CLIC2: variants seen among roughly 807,000 people sequenced by gnomAD.
CLIC2 encodes chloride intracellular channel protein 2.
In CLIC2, 9 loss-of-function variants were observed where a neutral mutation model predicts 14.8. That is an observed-to-expected ratio of 0.61 (90% CI 0.37 to 1.06). CLIC2 has a LOEUF of 1.06. Among genes scored for constraint, CLIC2 ranks in the 50% least tolerant of loss-of-function variants. CLIC2 has a pLI of 0.01. For missense variants in CLIC2, 148 were observed against 181.4 expected, an observed-to-expected ratio of 0.82 and a Z score of 1.06; for synonymous variants, 61 against 66.3, an observed-to-expected ratio of 0.92 and a Z score of 0.39.
chrX:155,321,217 C>T (rs1381558827), intron 1 of CLIC2, among the ~76,000 whole-genome samples: 1 of 111,004 alleles, frequency 9.0e-6, no homozygotes, highest in Non-Finnish European at 1.9e-5. Flanking sequence ...CAGAGAACAC[C>T]ACAAAGATAC....
At chrX:155,304,877 C>T (rs1250258826) in intron 1 of CLIC2, among the ~76,000 whole-genome samples, 4 of 95,971 alleles carry the variant, frequency 4.2e-5, no homozygotes, top group African/African-American at 1.5e-4. Flanking sequence ...GGGGTGCCTC[C>T]CAGTTAGGCT....
chrX:155,291,121 T>C, intron 3 of CLIC2: 1 of 1,002,671 alleles, frequency 1.0e-6, no homozygotes, highest in Non-Finnish European at 1.4e-6. Context: ...AACCATGCAA[T>C]GAATATCCAT....
At chrX:155,329,478 G>A (rs782406277) in intron 1 of CLIC2, among the ~76,000 whole-genome samples, 3 of 105,176 alleles carry the variant, frequency 2.9e-5, no homozygotes, top group African/African-American at 1.0e-4. Context: ...TGCAAAAACC[G>A]CAATTACTTT....
intron 3 of CLIC2, among the ~76,000 whole-genome samples, chrX:155,297,054 C>T (rs1424962847): frequency 8.9e-6 from 1 of 111,897 alleles, no homozygotes; most frequent in Non-Finnish European, 1.9e-5. Flanking sequence ...GGTATGGAAT[C>T]GATCTAAGTG....
intron 3 of CLIC2, among the ~76,000 whole-genome samples, chrX:155,283,170 C>G (rs1162991264): frequency 1.8e-5 from 2 of 112,512 alleles, no homozygotes; most frequent in African/African-American, 6.5e-5. Context: ...CAGGATAGAT[C>G]ATATGTTAGG....
intron 3 of CLIC2, 50 bp downstream of exon 3, chrX:155,298,735 C>T: frequency 8.4e-7 from 1 of 1,185,879 alleles, no homozygotes; most frequent in Non-Finnish European, 1.1e-6. Flanking sequence ...AATAAACAAG[C>T]CAGTAAAATA....
At chrX:155,322,029 C>T (rs782274897) in intron 1 of CLIC2, among the ~76,000 whole-genome samples, 2 of 111,501 alleles carry the variant, frequency 1.8e-5, no homozygotes, top group East Asian at 5.6e-4. Context: ...AATATATATG[C>T]ACCCAATACA....
chrX:155,302,448 C>T (rs369061034), intron 1 of CLIC2, among the ~76,000 whole-genome samples: 6 of 108,502 alleles, frequency 5.5e-5, no homozygotes, highest in South Asian at 4.0e-4. Flanking sequence ...TTTTTTATTG[C>T]GTCTATTTGA....
Position 155,311,413 on chromosome X carries a change from C to G in CLIC2, c.58-12268G>C, listed in dbSNP as rs1046122756. Among the ~76,000 whole-genome samples, 4 of 111,638 alleles carry G rather than the reference C, an allele frequency of 3.6e-5. No individual in the cohort carries two copies. The South Asian group carries it at 1.5e-3, about 42-fold the overall frequency. On this transcript the variant is annotated intron_variant, in intron 1 of 5. Coordinates refer to ENST00000369449, the MANE Select transcript of CLIC2 (RefSeq NM_001289.6). The stretch of plus-strand genomic sequence containing the variant: ...CTCTTTGCTAAAACATAACAAGTGT[C>G]ACCTTTGCTCCGGTTCCCAGCAAGT...
chrX:155,330,396 G>A (rs2075152887), intron 1 of CLIC2, among the ~76,000 whole-genome samples: 1 of 110,843 alleles, frequency 9.0e-6, no homozygotes, highest in Non-Finnish European at 1.9e-5. Context: ...ACTTTACAAA[G>A]GAAGATATAC....
At chrX:155,290,737 T>G (rs2074961487) in intron 3 of CLIC2, 1 of 676,857 alleles carries the variant, frequency 1.5e-6, no homozygotes, top group Admixed American at 2.2e-5. Context: ...TTTGTTGTGT[T>G]GGCCAAAATT....
intron 1 of CLIC2, among the ~76,000 whole-genome samples, chrX:155,332,275 C>T (rs1268313778): frequency 9.0e-6 from 1 of 111,582 alleles, no homozygotes; most frequent in Admixed American, 9.6e-5. Flanking sequence ...TTAAAAATTA[C>T]TCATTAGCAC....
In CLIC2 at chrX:155,277,768, TAC is replaced by T. The variant is rs1320114193; in HGVS notation, c.*133_*134del. On this transcript the variant is annotated 3_prime_UTR_variant, in exon 6 of 6. Transcript: ENST00000369449. The stretch of plus-strand genomic sequence containing the variant: ...CAGATTATTTATGGCTAATAGAAAA[TAC>T]AGAGTTCCTTTTCATAAGAGAGTTG... 1.9e-5 allele frequency: 10 copies of T among 538,260 alleles called. No homozygotes were observed. Among genetic ancestry groups the T allele is most frequent in the Non-Finnish European group, 3.1e-5 (10 of 324,788 alleles). The allele number at this position is 538,260 out of a possible 1,213,427, so 44.4% of individuals were successfully genotyped here.
At chrX:155,307,695 A>C (rs981240187) in intron 1 of CLIC2, among the ~76,000 whole-genome samples, 2 of 110,661 alleles carry the variant, frequency 1.8e-5, no homozygotes, top group African/African-American at 6.6e-5. Flanking sequence ...GACCAGCCTG[A>C]GCAACATGAT....
chrX:155,287,537 T>C (rs2074947387), intron 3 of CLIC2, among the ~76,000 whole-genome samples: 1 of 111,149 alleles, frequency 9.0e-6, no homozygotes, highest in Admixed American at 9.6e-5. Flanking sequence ...TTTCACCATG[T>C]TGGCCAGGCT....
chrX:155,323,417 C>T (rs1284443273), intron 1 of CLIC2, among the ~76,000 whole-genome samples: 2 of 111,893 alleles, frequency 1.8e-5, no homozygotes, highest in East Asian at 2.8e-4. Context: ...GTAAAGAGAA[C>T]CAATGACAAA....
rs148024648 is a variant in CLIC2, at chrX:155,328,755, T to C, written c.57+5616A>G. 3.2e-3 allele frequency among the ~76,000 whole-genome samples: 359 copies of C among 110,896 alleles called. 7 individuals carry two copies. Among genetic ancestry groups the C allele is most frequent in the Admixed American group, 0.024 (246 of 10,371 alleles). Reference sequence around the variant, plus strand: ...CAGAGCTATAGTAACCAAAATGGCATGGTCCTGGCATAAAAAAAGACACAT... The same window carrying C: ...CAGAGCTATAGTAACCAAAATGGCACGGTCCTGGCATAAAAAAAGACACAT... On this transcript the variant is annotated intron_variant, in intron 1 of 5. Transcript: ENST00000369449.
At chrX:155,316,501 T>C (rs1376619143) in intron 1 of CLIC2, among the ~76,000 whole-genome samples, 2 of 110,837 alleles carry the variant, frequency 1.8e-5, no homozygotes, top group Non-Finnish European at 3.8e-5. Flanking sequence ...TTAAATAACC[T>C]CCTGAATGAT....
chrX:155,292,774 C>CAAACAAACAAAT, intron 3 of CLIC2: 1 of 561,493 alleles, frequency 1.8e-6, no homozygotes, highest in South Asian at 2.8e-5. Context: ...CGTCTCAAAA[C>CAAACAAACAAAT]AAACAAACAA....
Sources: allele counts gnomAD v4.1 joint callset (sites outside exome capture counted in the v4.1 genomes callset), GRCh38; gene constraint gnomAD v4.1.1; transcripts MANE v1.5; gene names NCBI Gene and HGNC (gene_info 2026-07-23, HGNC 2026-07-21).